CAGE1: variants seen among roughly 807,000 people sequenced by gnomAD.
CAGE1 encodes the protein cancer antigen 1.
Under a neutral mutation model 94.9 loss-of-function variants are expected in CAGE1, and 66 were observed. That is an observed-to-expected ratio of 0.70 (90% CI 0.57 to 0.85). The LOEUF (loss-of-function observed/expected upper bound fraction) is 0.85, where lower values mean the gene tolerates loss of function less well. Ranked by LOEUF, CAGE1 falls within the 40% of genes least tolerant of loss-of-function variation. The probability of loss-of-function intolerance (pLI) is 0.00; values close to 1 mark genes in which losing one functional copy is unlikely to be tolerated. For missense variants in CAGE1, 865 were observed against 950.4 expected (o/e 0.91, Z 1.18); for synonymous variants, 319 against 321.0 (o/e 0.99, Z 0.07).
chr6:7,335,329 C>T (rs564267964), intron 11 of CAGE1, among the ~76,000 whole-genome samples: 212 of 152,260 alleles, frequency 1.4e-3, no homozygotes, highest in Middle Eastern at 3.4e-3. Context: ...GGCCATTCCT[C>T]GGCCTACTAT....
At chr6:7,335,071 AG>A (rs1429481520) in intron 11 of CAGE1, among the ~76,000 whole-genome samples, 1 of 152,196 alleles carries the variant, frequency 6.6e-6, no homozygotes, top group African/African-American at 2.4e-5. Flanking sequence ...CTCATTCCTG[AG>A]GGGGCTTGGC....
intron 9 of CAGE1, among the ~76,000 whole-genome samples, chr6:7,358,858 T>TA (rs1760072520): frequency 6.6e-6 from 1 of 152,084 alleles, no homozygotes; most frequent in African/African-American, 2.4e-5. Context: ...AGAATAATGG[T>TA]AGGTGTGTGT....
chr6:7,387,413 A>T (rs1200077135), intron 1 of CAGE1, among the ~76,000 whole-genome samples: 1 of 152,198 alleles, frequency 6.6e-6, no homozygotes, highest in Non-Finnish European at 1.5e-5. Context: ...CTACTATCCA[A>T]TAACTCCCTA....
At chr6:7,329,931 G>GA (rs1215774531) in intron 12 of CAGE1, 43 bp from the exon 13 acceptor site, 3 of 887,956 alleles carry the variant, frequency 3.4e-6, no homozygotes, top group Non-Finnish European at 5.4e-6. Flanking sequence ...GGAGGAAGGG[G>GA]GGACTGAAAT....
chr6:7,336,190 C>A (rs1252778330), intron 11 of CAGE1, among the ~76,000 whole-genome samples: 1 of 152,182 alleles, frequency 6.6e-6, no homozygotes, highest in Non-Finnish European at 1.5e-5. Flanking sequence ...TGGAATAAAT[C>A]TTCTGTATTT....
intron 9 of CAGE1, among the ~76,000 whole-genome samples, chr6:7,360,957 C>G (rs1423559573): frequency 6.6e-6 from 1 of 151,882 alleles, no homozygotes; most frequent in Non-Finnish European, 1.5e-5. Flanking sequence ...AAAAAACAAA[C>G]AAACAAATAC....
chr6:7,387,942 G>A (rs1466764027), intron 1 of CAGE1, among the ~76,000 whole-genome samples: 1 of 149,966 alleles, frequency 6.7e-6, no homozygotes, highest in African/African-American at 2.5e-5. Flanking sequence ...GCTGAGGGAG[G>A]AGAATGGCGT....
chr6:7,333,840 G>A (rs886681720), intron 12 of CAGE1, among the ~76,000 whole-genome samples, 182 bp downstream of exon 12: 31 of 151,608 alleles, frequency 2.0e-4, no homozygotes, highest in African/African-American at 6.5e-4. Context: ...GCTAATTTTC[G>A]TATTTTTAGT....
rs371228563 is a variant in CAGE1 at position 7,343,113 on chromosome 6, C to T, written c.2370-9023G>A. ...CTGAGGCAGGAGAATCGCTTGAACCCGGGAGGTGGAGGTTGCAGTGGGCTG... is the reference window on the plus strand; with the variant it reads ...CTGAGGCAGGAGAATCGCTTGAACCTGGGAGGTGGAGGTTGCAGTGGGCTG... On this transcript the variant is annotated intron_variant, in intron 11 of 13. Coordinates refer to ENST00000502583, the MANE Select transcript of CAGE1 (RefSeq NM_001170692.2). Among the ~76,000 whole-genome samples the T allele has an allele frequency of 4.7e-5, 7 of 150,328 alleles. No individual in the cohort carries two copies. The East Asian group carries it at 5.9e-4, about 13-fold the overall frequency.
intron 9 of CAGE1, among the ~76,000 whole-genome samples, chr6:7,359,775 C>T (rs1760107615): frequency 6.6e-6 from 1 of 152,168 alleles, no homozygotes; most frequent in Non-Finnish European, 1.5e-5. Context: ...TATTAACTTG[C>T]TTCAATATAT....
intron 3 of CAGE1, among the ~76,000 whole-genome samples, 164 bp downstream of exon 3, chr6:7,385,621 C>T (rs983141946): frequency 6.6e-6 from 1 of 151,780 alleles, no homozygotes; most frequent in Non-Finnish European, 1.5e-5. Flanking sequence ...TAAAAACAGC[C>T]CTTACTTCAA....
At chr6:7,364,340 A>G (rs1205787293) in intron 9 of CAGE1, among the ~76,000 whole-genome samples, 1 of 152,108 alleles carries the variant, frequency 6.6e-6, no homozygotes, top group Non-Finnish European at 1.5e-5. Context: ...ATAAACAGTT[A>G]TTTATGTATC....
chr6:7,345,450 G>T (rs1759440655), intron 11 of CAGE1, among the ~76,000 whole-genome samples: 1 of 152,188 alleles, frequency 6.6e-6, no homozygotes, highest in Admixed American at 6.5e-5. Context: ...TTCTTGAAGT[G>T]AGACCAAGTA....
At chr6:7,359,127 ACCT>A (rs1760083779) in intron 9 of CAGE1, among the ~76,000 whole-genome samples, 1 of 151,630 alleles carries the variant, frequency 6.6e-6, no homozygotes, top group Non-Finnish European at 1.5e-5. Context: ...GCTCACTGCA[ACCT>A]CCTCCTCCCA....
At chr6:7,375,717 C>A (rs759239029) in intron 4 of CAGE1, among the ~76,000 whole-genome samples, 6 of 152,116 alleles carry the variant, frequency 3.9e-5, no homozygotes, top group Non-Finnish European at 2.9e-5. Context: ...CACCTTGTAT[C>A]TAAAATAAAT....
At position 7,370,070 on chromosome 6, in the gene CAGE1, A is replaced by G. The variant is rs371031716; in HGVS notation, c.1747-5T>C. The G allele has an allele frequency of 8.2e-6, 13 of 1,586,774 alleles. No individual in the cohort carries two copies. The highest frequency in any genetic ancestry group is 1.1e-5 in the Non-Finnish European group (13 of 1,168,988). On this transcript the variant is annotated splice_region_variant and splice_polypyrimidine_tract_variant and intron_variant, in intron 5 of 13. Transcript: ENST00000502583. ...AGAATGTGTCGTTTTTGTATCCTAC[A>G]TGCACGTAATTCAGATTTGTCAAAA...
intron 4 of CAGE1, among the ~76,000 whole-genome samples, chr6:7,375,966 G>T (rs1442136745): frequency 6.6e-6 from 1 of 152,160 alleles, no homozygotes; most frequent in African/African-American, 2.4e-5. Context: ...AAGTTAACGT[G>T]CCGGAAGCTT....
At position 7,365,427 on chromosome 6, in the gene CAGE1, T is replaced by C. The variant is rs374410435; in HGVS notation, c.2193+41A>G. ...TAAACTTGCTAGTAAAATAATGTTGTGTATAAAAATAATAGCAAGGTAAAA... is the reference window on the plus strand; with the variant it reads ...TAAACTTGCTAGTAAAATAATGTTGCGTATAAAAATAATAGCAAGGTAAAA... On this transcript the variant is annotated intron_variant, in intron 9 of 13. Coordinates refer to ENST00000502583, the MANE Select transcript of CAGE1 (RefSeq NM_001170692.2). 5.0e-4 allele frequency: 741 copies of C among 1,492,516 alleles called. 3 individuals carry two copies. In the Middle Eastern group the frequency reaches 6.0e-3, roughly 12 times the overall value. 92.5% of individuals were successfully genotyped at this position (1,492,516 alleles called of 1,614,324 possible).
chr6:7,339,269 G>C lies in CAGE1; in HGVS notation c.2370-5179C>G. 2.5e-6 allele frequency: 4 copies of C among 1,585,614 alleles called. No homozygotes were observed. Among genetic ancestry groups the C allele is most frequent in the Non-Finnish European group, 2.6e-6 (3 of 1,155,120 alleles). Reference sequence around the variant, plus strand: ...GTTTGTAAGGCAGAGACTCTGCCTGGGCAATGGCACACAGACCCCTAGTGG... The same window carrying C: ...GTTTGTAAGGCAGAGACTCTGCCTGCGCAATGGCACACAGACCCCTAGTGG... On this transcript the variant is annotated intron_variant, in intron 11 of 13. Transcript: ENST00000502583. This position sits in a 1 kb window ranked among gnomAD's most constrained non-coding sequence, Gnocchi z 4.7.
Sources: gnomAD v4.1 joint callset for allele counts (sites outside exome capture counted in the v4.1 genomes callset) on GRCh38, gnomAD v4.1.1 for gene constraint, Gnocchi (gnomAD v3.1) non-coding constraint, MANE v1.5 for transcripts, NCBI Gene and HGNC (gene_info 2026-07-23, HGNC 2026-07-21) for gene names.